The following EBF3 variants were observed in gnomAD, a reference collection of about 807,000 sequenced individuals.
EBF3 encodes transcription factor COE3.
EBF3 carries 18 observed loss-of-function variants against 77.1 expected under a neutral mutation model. The ratio of observed to expected loss-of-function variants is 0.23; its 90% CI spans 0.16 to 0.35. The LOEUF is 0.35. EBF3 is among the 10% of genes least tolerant of loss of function. EBF3 has a pLI of 1.00. For missense variants in EBF3, 558 were observed against 860.0 expected (o/e 0.65, Z 4.39); for synonymous variants, 350 against 343.5 (o/e 1.02, Z -0.21).
chr10:129,860,731 C>T (rs957409279), intron 10 of EBF3, among the ~76,000 whole-genome samples: 1 of 152,158 alleles, frequency 6.6e-6, no homozygotes, highest in South Asian at 2.1e-4. Flanking sequence ...CTGTCACCAG[C>T]CTGGTTGGGA....
chr10:129,871,879 C>T (rs552072442), intron 8 of EBF3, among the ~76,000 whole-genome samples: 106 of 152,280 alleles, frequency 7.0e-4, no homozygotes, highest in African/African-American at 2.4e-3. Context: ...TTGCAAGGAA[C>T]TGACTTGGTT....
At chr10:129,926,464 TG>T (rs1450957487) in intron 6 of EBF3, among the ~76,000 whole-genome samples, 17 of 152,160 alleles carry the variant, frequency 1.1e-4, no homozygotes, top group Non-Finnish European at 2.2e-4. Flanking sequence ...ACACAGACCC[TG>T]GGCTGAAACT....
At chr10:129,928,696 A>T (rs1167476634) in intron 6 of EBF3, among the ~76,000 whole-genome samples, 1 of 152,152 alleles carries the variant, frequency 6.6e-6, no homozygotes, top group Non-Finnish European at 1.5e-5. Flanking sequence ...CATTTTGGCA[A>T]TTGCTTCCTG....
intron 6 of EBF3, among the ~76,000 whole-genome samples, chr10:129,891,127 C>T (rs950606324): frequency 3.3e-5 from 5 of 152,014 alleles, no homozygotes; most frequent in African/African-American, 4.8e-5. Flanking sequence ...TTGAATGTAC[C>T]GGGATATAGT....
intron 10 of EBF3, among the ~76,000 whole-genome samples, chr10:129,856,077 G>C (rs1851232537): frequency 6.6e-6 from 1 of 152,194 alleles, no homozygotes; most frequent in Admixed American, 6.5e-5. Flanking sequence ...ACTTGTTCAG[G>C]CATCTGCCCT....
rs1379917682 is a variant in EBF3, at chr10:129,879,083, C to T, written c.555-1234G>A. Among the ~76,000 whole-genome samples the T allele has an allele frequency of 2.0e-5, 3 of 152,128 alleles. No homozygotes were observed. The highest frequency in any genetic ancestry group is 6.5e-5 in the Admixed American group (1 of 15,270). ...ACTAAAACGTCATCATGTTGTCCTC[C>T]GCATTCCTGCATGCTCAGTGACATT... On this transcript the variant is annotated intron_variant, in intron 6 of 16. Transcript: ENST00000440978. The surrounding 1 kb of genome is among the most constrained non-coding windows in gnomAD (Gnocchi z 4.7).
intron 14 of EBF3, 116 bp downstream of exon 14, chr10:129,840,728 G>T: frequency 7.0e-7 from 1 of 1,428,892 alleles, no homozygotes; most frequent in Non-Finnish European, 9.4e-7. Flanking sequence ...AGCCTCCAGG[G>T]CCACCCTTCC....
At chr10:129,901,423 C>T (rs1049314935) in intron 6 of EBF3, among the ~76,000 whole-genome samples, 7 of 152,204 alleles carry the variant, frequency 4.6e-5, no homozygotes, top group Admixed American at 1.3e-4. Context: ...GCTTCCAGAG[C>T]TGGTCCAGGG....
intron 6 of EBF3, among the ~76,000 whole-genome samples, chr10:129,917,679 A>AAAAAAAAAC (rs1564887155): frequency 4.9e-5 from 7 of 142,072 alleles, no homozygotes; most frequent in Non-Finnish European, 6.2e-5. Context: ...AAAAAAAAAA[A>AAAAAAAAAC]CTAAAACCAA....
At chr10:129,912,375 G>A (rs1045658157) in intron 6 of EBF3, among the ~76,000 whole-genome samples, 7 of 152,296 alleles carry the variant, frequency 4.6e-5, no homozygotes, top group African/African-American at 1.4e-4. Context: ...TGCTCACCAA[G>A]GCCTCCAGCA....
chr10:129,876,885 A>AACCCCCCCCCCC, intron 7 of EBF3, among the ~76,000 whole-genome samples: 1 of 42,368 alleles, frequency 2.4e-5, no homozygotes, highest in Non-Finnish European at 4.4e-5. Flanking sequence ...TCATCCCTGA[A>AACCCCCCCCCCC]CCCCCCCCCC....
chr10:129,915,592 G>A (rs755468665), intron 6 of EBF3, among the ~76,000 whole-genome samples: 16 of 152,244 alleles, frequency 1.1e-4, no homozygotes, highest in East Asian at 1.9e-4. Flanking sequence ...TGTAACGAGC[G>A]ACAGCCCAGA....
At position 129,861,095 on chromosome 10, in the gene EBF3, G is replaced by A. The variant is rs553616340; in HGVS notation, c.1039+6046C>T. On this transcript the variant is annotated intron_variant, in intron 10 of 16. Coordinates refer to ENST00000440978, the MANE Select transcript of EBF3 (RefSeq NM_001375380.1). This position sits in a 1 kb window ranked among gnomAD's most constrained non-coding sequence, Gnocchi z 4.3. ...CCACTCTTCAAAGGGCCGTGTTATC[G>A]AATCTCACCCCAGCACCCACTTAGC... 1.3e-5 allele frequency among the ~76,000 whole-genome samples: 2 copies of A among 152,292 alleles called. No individual in the cohort carries two copies. Among genetic ancestry groups the A allele is most frequent in the South Asian group, 2.1e-4 (1 of 4,822 alleles).
chr10:129,896,041 T>C (rs1406802954), intron 6 of EBF3, among the ~76,000 whole-genome samples: 6 of 152,228 alleles, frequency 3.9e-5, no homozygotes, highest in African/African-American at 1.4e-4. Flanking sequence ...TATTATGGCA[T>C]TTTTGAAAGT....
rs1851789681 is a variant in EBF3 at position 129,863,600 on chromosome 10, C to T, written c.1039+3541G>A. On this transcript the variant is annotated intron_variant, in intron 10 of 16. Transcript: ENST00000440978. The surrounding 1 kb of genome is among the most constrained non-coding windows in gnomAD (Gnocchi z 4.0). Reference sequence around the variant, plus strand: ...GGGGAAGGTTAAATGTGAGGGTGTCCCGGCAGCCTCCGGGGCTGGGGGACA... The same window carrying T: ...GGGGAAGGTTAAATGTGAGGGTGTCTCGGCAGCCTCCGGGGCTGGGGGACA... 6.6e-6 allele frequency among the ~76,000 whole-genome samples: 1 copy of T among 152,306 alleles called. No homozygotes were observed. The highest frequency in any genetic ancestry group is 1.9e-4 in the East Asian group (1 of 5,162).
At chr10:129,954,167 A>C (rs1245663756) in intron 6 of EBF3, among the ~76,000 whole-genome samples, 1 of 152,226 alleles carries the variant, frequency 6.6e-6, no homozygotes, top group East Asian at 1.9e-4. Context: ...CAGGTCACAC[A>C]ATCTACCATA....
Position 129,964,202 on chromosome 10 carries a change from G to A in EBF3, c.-434C>T. 5 of 984,950 alleles carry A rather than the reference G, an allele frequency of 5.1e-6. No homozygotes were observed. Among genetic ancestry groups the A allele is most frequent in the Non-Finnish European group, 6.0e-6 (5 of 829,774 alleles). 61.0% of individuals were successfully genotyped at this position (984,950 alleles called of 1,614,324 possible). On this transcript the variant is annotated 5_prime_UTR_variant, in exon 1 of 17. Transcript: ENST00000440978. This position sits in a 1 kb window ranked among gnomAD's most constrained non-coding sequence, Gnocchi z 4.5. ...CGGCGCAGTCCCGGGCGCAGGCGGG[G>A]CGCGGCGGGGCCTGGAGCGGCGCGC...
chr10:129,915,185 G>T (rs1855790504), intron 6 of EBF3, among the ~76,000 whole-genome samples: 1 of 152,098 alleles, frequency 6.6e-6, no homozygotes, highest in South Asian at 2.1e-4. Flanking sequence ...ACAACAAATG[G>T]TTCTCAGATG....
At chr10:129,892,039 C>T (rs1356477429) in intron 6 of EBF3, among the ~76,000 whole-genome samples, 1 of 152,238 alleles carries the variant, frequency 6.6e-6, no homozygotes, top group Non-Finnish European at 1.5e-5. Flanking sequence ...CTCTCTCTGG[C>T]CAACGGCCTG....
Sources: gnomAD v4.1 joint callset for allele counts (sites outside exome capture counted in the v4.1 genomes callset) on GRCh38, gnomAD v4.1.1 for gene constraint, Gnocchi (gnomAD v3.1) non-coding constraint, MANE v1.5 for transcripts, NCBI Gene and HGNC (gene_info 2026-07-23, HGNC 2026-07-21) for gene names.